The following PRKDC variants were observed in gnomAD, a reference collection of about 807,000 sequenced individuals.
The protein encoded by PRKDC is DNA-dependent protein kinase catalytic subunit.
A neutral mutation model predicts 486.9 loss-of-function variants in PRKDC; 82 were observed. That is an observed-to-expected ratio of 0.17 (90% CI 0.14 to 0.20). PRKDC has a LOEUF of 0.20. Ranked by LOEUF, PRKDC falls within the 10% of genes least tolerant of loss-of-function variation. The pLI, the probability that PRKDC is intolerant of heterozygous loss-of-function variation, is 1.00. For missense variants in PRKDC, 4,504 were observed against 5,038.2 expected (o/e 0.89, Z 3.21); for synonymous variants, 1,895 against 1,837.0 (o/e 1.03, Z -0.81).
At chr8:47,778,176 C>A (rs971625976) in intron 83 of PRKDC, among the ~76,000 whole-genome samples, 1 of 152,190 alleles carries the variant, frequency 6.6e-6, no homozygotes, top group African/African-American at 2.4e-5. Flanking sequence ...TTTGACCAGA[C>A]ATTTTTATTA....
intron 58 of PRKDC, 110 bp downstream of exon 58, chr8:47,836,228 T>G: frequency 8.9e-7 from 1 of 1,123,692 alleles, no homozygotes; most frequent in Non-Finnish European, 1.2e-6. Context: ...CTTAACGCTT[T>G]TTGCTATTAT....
chr8:47,915,575 T>C (rs2089970815), intron 22 of PRKDC, among the ~76,000 whole-genome samples, 157 bp from the exon 23 acceptor site: 1 of 152,222 alleles, frequency 6.6e-6, no homozygotes, highest in Admixed American at 6.5e-5. Flanking sequence ...TTAAGAAATA[T>C]CAAGGACCCC....
At position 47,909,275 on chromosome 8, in the gene PRKDC, A is replaced by C. The variant is rs191799671; in HGVS notation, c.2934+3135T>G. ...ATTTCATGGACATTTATCAGTTCCC[A>C]AAATTAATACTTTTATAATTTCTTA... On this transcript the variant is annotated intron_variant, in intron 25 of 85. Transcript: ENST00000314191. 2.1e-3 allele frequency among the ~76,000 whole-genome samples: 317 copies of C among 152,332 alleles called. 2 individuals carry two copies. Among genetic ancestry groups the C allele is most frequent in the Non-Finnish European group, 3.6e-3 (244 of 68,026 alleles).
chr8:47,817,265 C>T (rs1291908324), intron 68 of PRKDC, among the ~76,000 whole-genome samples, 185 bp downstream of exon 68: 1 of 152,054 alleles, frequency 6.6e-6, no homozygotes, highest in Non-Finnish European at 1.5e-5. Flanking sequence ...ACAGGGCAAG[C>T]GGGAAAGAGG....
intron 25 of PRKDC, among the ~76,000 whole-genome samples, chr8:47,908,281 T>C (rs1408335888): frequency 6.6e-6 from 1 of 152,244 alleles, no homozygotes; most frequent in Non-Finnish European, 1.5e-5. Flanking sequence ...TAAGATACAT[T>C]CCATCGGCCA....
At chr8:47,778,697 C>A (rs1252570039) in intron 82 of PRKDC, 31 bp downstream of exon 82, 1 of 1,613,278 alleles carries the variant, frequency 6.2e-7, no homozygotes, top group Non-Finnish European at 8.5e-7. Flanking sequence ...TGCTGTGATC[C>A]CACTAAGGGT....
intron 7 of PRKDC, among the ~76,000 whole-genome samples, chr8:47,952,841 T>C (rs2090647521): frequency 6.7e-6 from 1 of 149,480 alleles, no homozygotes; most frequent in Non-Finnish European, 1.5e-5. Context: ...CCATCTCTAC[T>C]AAAAATACAA....
chr8:47,795,236 C>T (rs1353896253), intron 73 of PRKDC, among the ~76,000 whole-genome samples: 3 of 147,364 alleles, frequency 2.0e-5, no homozygotes, highest in Non-Finnish European at 4.5e-5. Context: ...GTCACCCAGG[C>T]TGGAGTGCAG....
Position 47,857,252 on chromosome 8 carries a change from C to T in PRKDC, c.6513G>A (p.Leu2171=). The change falls in exon 49 of 86, where the codon CTG becomes CTA. Residue 2171 remains leucine (L), a synonymous_variant. Coordinates refer to ENST00000314191, the MANE Select transcript of PRKDC (RefSeq NM_006904.7). Reference sequence around the variant, plus strand: ...CTCCTCCATTGTTTTCAGAAGCAGCCAGCTGCAGCAAGGGGCTAAGCCAGT... The same window carrying T: ...CTCCTCCATTGTTTTCAGAAGCAGCTAGCTGCAGCAAGGGGCTAAGCCAGT... ...AKHWLSPLLQ[L]AASENNGGEG... is the part of the protein sequence containing the mutation. The T allele has an allele frequency of 1.9e-6, 3 of 1,613,934 alleles. No individual in the cohort carries two copies. The highest frequency in any genetic ancestry group is 2.5e-6 in the Non-Finnish European group (3 of 1,179,842).
chr8:47,826,357 C>T (rs2087738059), intron 63 of PRKDC, among the ~76,000 whole-genome samples: 1 of 152,194 alleles, frequency 6.6e-6, no homozygotes, highest in African/African-American at 2.4e-5. Context: ...CTATGATTCA[C>T]AGCTACACTT....
chr8:47,887,854 TTTGTTGTTCTTGCTA>T, intron 34 of PRKDC, 149 bp from the exon 35 acceptor site: 1 of 904,444 alleles, frequency 1.1e-6, no homozygotes, highest in African/African-American at 1.7e-5. Context: ...CAACTTTGCT[TTTGTTGTTCTTGCTA>T]TTGTGAGACA....
At chr8:47,922,752 TTG>T (rs2090092349) in intron 21 of PRKDC, among the ~76,000 whole-genome samples, 2 of 152,158 alleles carry the variant, frequency 1.3e-5, no homozygotes, top group African/African-American at 2.4e-5. Context: ...AGTTACTATA[TTG>T]GAAACAGAAA....
intron 21 of PRKDC, among the ~76,000 whole-genome samples, chr8:47,921,924 G>A (rs955590454): frequency 2.2e-4 from 34 of 152,084 alleles, no homozygotes; most frequent in Non-Finnish European, 3.5e-4. Context: ...GGGATTACAG[G>A]TGTGTGCCAC....
chr8:47,949,960 G>T (rs2090600860), intron 7 of PRKDC, among the ~76,000 whole-genome samples: 1 of 152,200 alleles, frequency 6.6e-6, no homozygotes, highest in African/African-American at 2.4e-5. Context: ...CAAACATTTG[G>T]TAATTACTTG....
chr8:47,862,671 T>C (rs1387709970), intron 42 of PRKDC, 130 bp from the exon 43 acceptor site: 1 of 779,422 alleles, frequency 1.3e-6, no homozygotes, highest in East Asian at 2.8e-5. Context: ...CCAGGCAGAG[T>C]ATTAGGCACT....
intron 30 of PRKDC, 129 bp downstream of exon 30, chr8:47,897,032 T>A: frequency 9.2e-7 from 1 of 1,082,434 alleles, no homozygotes; most frequent in Non-Finnish European, 1.3e-6. Flanking sequence ...CATCAACTGT[T>A]AATATTCTGA....
intron 25 of PRKDC, among the ~76,000 whole-genome samples, chr8:47,909,522 A>C (rs2089857259): frequency 6.6e-6 from 1 of 152,232 alleles, no homozygotes; most frequent in African/African-American, 2.4e-5. Context: ...ACACTGAAAA[A>C]GAACAGAATA....
At chr8:47,794,568 T>A in intron 73 of PRKDC, 67 bp from the exon 74 acceptor site, 1 of 1,309,810 alleles carries the variant, frequency 7.6e-7, no homozygotes, top group Non-Finnish European at 1.0e-6. Flanking sequence ...AAAAGTAACA[T>A]ATGTCCAAAA....
At chr8:47,814,039 A>C (rs771931033) in intron 68 of PRKDC, among the ~76,000 whole-genome samples, 3 of 152,250 alleles carry the variant, frequency 2.0e-5, no homozygotes, top group Admixed American at 6.5e-5. Flanking sequence ...TCATGACCGT[A>C]TTGGGTTTAC....
Sources: gnomAD v4.1 joint callset for allele counts (sites outside exome capture counted in the v4.1 genomes callset) on GRCh38, gnomAD v4.1.1 for gene constraint, MANE v1.5 for transcripts, NCBI Gene and HGNC (gene_info 2026-07-23, HGNC 2026-07-21) for gene names.